ADTRP: variants seen among roughly 807,000 people sequenced by gnomAD.
ADTRP encodes the protein androgen-dependent TFPI-regulating protein.
Under a neutral mutation model 27.0 loss-of-function variants are expected in ADTRP, and 20 were observed. The ratio of observed to expected loss-of-function variants is 0.74; its 90% CI spans 0.52 to 1.08. ADTRP has a LOEUF of 1.08. Among genes scored for constraint, ADTRP ranks in the 50% least tolerant of loss-of-function variants. The pLI is 0.00. For missense variants in ADTRP, 251 were observed against 275.0 expected (o/e 0.91, Z 0.62); for synonymous variants, 101 against 105.2 (o/e 0.96, Z 0.25).
intron 1 of ADTRP, among the ~76,000 whole-genome samples, chr6:11,774,300 A>C (rs1763877668): frequency 6.6e-6 from 1 of 152,080 alleles, no homozygotes; most frequent in Non-Finnish European, 1.5e-5. Flanking sequence ...ACAGAGAGAG[A>C]TTCCATCTCA....
intron 5 of ADTRP, among the ~76,000 whole-genome samples, chr6:11,719,784 T>C (rs1413901388): frequency 6.6e-6 from 1 of 152,222 alleles, no homozygotes; most frequent in Non-Finnish European, 1.5e-5. Context: ...TCTGTCCGTC[T>C]GCTATCGGGT....
intron 4 of ADTRP, among the ~76,000 whole-genome samples, chr6:11,728,824 C>G (rs578162187): frequency 4.6e-4 from 70 of 152,184 alleles, no homozygotes; most frequent in Non-Finnish European, 6.9e-4. Context: ...AGTCGCCTGA[C>G]TCACCAAGAC....
At chr6:11,768,565 C>T (rs1205141008) in intron 1 of ADTRP, among the ~76,000 whole-genome samples, 182 bp from the exon 2 acceptor site, 4 of 152,092 alleles carry the variant, frequency 2.6e-5, no homozygotes, top group Non-Finnish European at 5.9e-5. Flanking sequence ...TGACCCTGCT[C>T]GCTAAGACTG....
At chr6:11,719,269 C>A (rs1055423287) in intron 5 of ADTRP, among the ~76,000 whole-genome samples, 1 of 152,058 alleles carries the variant, frequency 6.6e-6, no homozygotes, top group African/African-American at 2.4e-5. Context: ...CAAACTGCAC[C>A]CCAGATCCAC....
rs140355651 is a variant in ADTRP, at chr6:11,740,191, C to T, written c.391-4508G>A. ...CCTCTCCTCTATTCAGGCCACATTC[C>T]GATCTGCGAATTAGTTCCTGATATT... On this transcript the variant is annotated intron_variant, in intron 3 of 5. Transcript: ENST00000414691. Among the ~76,000 whole-genome samples the T allele has an allele frequency of 4.3e-3, 648 of 152,256 alleles. 6 individuals are homozygous for T. In the Middle Eastern group the frequency reaches 0.061, roughly 14 times the overall value.
intron 3 of ADTRP, among the ~76,000 whole-genome samples, chr6:11,765,856 A>G (rs1174715799): frequency 6.6e-6 from 1 of 152,234 alleles, no homozygotes; most frequent in Admixed American, 6.5e-5. Flanking sequence ...CAGAATCGTG[A>G]CAAAGTGTGT....
intron 5 of ADTRP, among the ~76,000 whole-genome samples, chr6:11,714,741 C>T (rs1036223549): frequency 2.6e-5 from 4 of 152,248 alleles, no homozygotes; most frequent in Non-Finnish European, 5.9e-5. Context: ...GTTAGCCAGG[C>T]ACCCACGATG....
intron 4 of ADTRP, among the ~76,000 whole-genome samples, chr6:11,731,128 C>A (rs942376978): frequency 9.2e-5 from 14 of 152,192 alleles, no homozygotes; most frequent in Admixed American, 9.2e-4. Flanking sequence ...GAGCACTCAG[C>A]AGATTATTGG....
rs781778659 is a variant in ADTRP, at chr6:11,778,619, C to G, written c.141G>C (p.Thr47=). The stretch of plus-strand genomic sequence containing the variant: ...CATATGGACTTACCAGATTAAGCAG[C>G]GTCATATATTTCCACCTTGCACCAT... ...LANGARWKYM[T]LLNLLLQTIF... Residue 47 remains threonine (T), a synonymous_variant, in exon 1 of 6, where the codon ACG becomes ACC. Transcript: ENST00000414691. 2.5e-6 allele frequency: 4 copies of G among 1,614,120 alleles called. No homozygotes were observed. Among genetic ancestry groups the G allele is most frequent in the Non-Finnish European group, 3.4e-6 (4 of 1,179,992 alleles).
At chr6:11,764,250 T>C (rs951839213) in intron 3 of ADTRP, among the ~76,000 whole-genome samples, 2 of 152,232 alleles carry the variant, frequency 1.3e-5, no homozygotes, top group African/African-American at 2.4e-5. Flanking sequence ...CAAATCCATA[T>C]GGCTGTTTAT....
intron 1 of ADTRP, among the ~76,000 whole-genome samples, chr6:11,772,510 A>G (rs1428121365): frequency 1.3e-5 from 2 of 152,218 alleles, no homozygotes; most frequent in African/African-American, 4.8e-5. Context: ...AATTTCTTCT[A>G]TTTAAAAAGT....
intron 3 of ADTRP, among the ~76,000 whole-genome samples, chr6:11,739,922 T>A (rs1290262699): frequency 6.6e-6 from 1 of 152,210 alleles, no homozygotes; most frequent in East Asian, 1.9e-4. Flanking sequence ...AGCACTTAAT[T>A]TTCTCCAGTG....
At chr6:11,760,969 C>T (rs1763374221) in intron 3 of ADTRP, among the ~76,000 whole-genome samples, 1 of 152,182 alleles carries the variant, frequency 6.6e-6, no homozygotes, top group Admixed American at 6.5e-5. Context: ...AAACTCCTTG[C>T]AAGTCACATG....
In ADTRP at chr6:11,776,424, T is replaced by TAA. The variant is rs547228835; in HGVS notation, c.153+2181_153+2182dup. ...GTTAGGGTTGGCAAGGACCTAAGATTAAAAAAAACTTCTGTTTTGGAGCCA... is the reference window on the plus strand; with the variant it reads ...GTTAGGGTTGGCAAGGACCTAAGATTAAAAAAAAAACTTCTGTTTTGGAGCCA... On this transcript the variant is annotated intron_variant, in intron 1 of 5. Transcript: ENST00000414691. Among the ~76,000 whole-genome samples the TAA allele has an allele frequency of 5.3e-4, 81 of 152,140 alleles. No homozygotes were observed. In the South Asian group the frequency reaches 0.016, roughly 30 times the overall value.
chr6:11,764,725 A>G (rs1316853440), intron 3 of ADTRP, among the ~76,000 whole-genome samples: 5 of 152,124 alleles, frequency 3.3e-5, no homozygotes, highest in East Asian at 1.9e-4. Context: ...TGTGCCTCCT[A>G]TGAGTTCAGT....
intron 4 of ADTRP, among the ~76,000 whole-genome samples, chr6:11,723,830 G>T (rs1481356464): frequency 6.6e-6 from 1 of 151,980 alleles, no homozygotes; most frequent in East Asian, 1.9e-4. Context: ...AGGCTGAGGG[G>T]GGTGGATCAC....
chr6:11,736,884 G>A (rs1358801283), intron 3 of ADTRP, among the ~76,000 whole-genome samples: 1 of 152,178 alleles, frequency 6.6e-6, no homozygotes, highest in Middle Eastern at 3.2e-3. Flanking sequence ...AGGGTGGTAA[G>A]TGTGTGGGGT....
At chr6:11,727,727 T>C (rs1762256105) in intron 4 of ADTRP, among the ~76,000 whole-genome samples, 1 of 152,064 alleles carries the variant, frequency 6.6e-6, no homozygotes, top group South Asian at 2.1e-4. Context: ...TAAGGAAAGT[T>C]ATAGGTGTGG....
At chr6:11,770,101 TA>T (rs148298172) in intron 1 of ADTRP, 244,937 of 1,549,756 alleles carry the variant, frequency 0.16, 22,597 homozygotes, top group East Asian at 0.47. Context: ...TTCGAAAAAA[TA>T]AAAAAAATTA....
Sources: gnomAD v4.1 joint callset for allele counts (sites outside exome capture counted in the v4.1 genomes callset) on GRCh38, gnomAD v4.1.1 for gene constraint, MANE v1.5 for transcripts, NCBI Gene and HGNC (gene_info 2026-07-23, HGNC 2026-07-21) for gene names.